Variants in KCNIP4 observed in about 807,000 individuals in gnomAD.
KCNIP4 encodes potassium voltage-gated channel interacting protein 4.
KCNIP4 carries 12 observed loss-of-function variants against 34.0 expected under a neutral mutation model. That is an observed-to-expected ratio of 0.35 (90% confidence interval 0.23 to 0.57). The LOEUF is 0.57. Among genes scored for constraint, KCNIP4 ranks in the 20% least tolerant of loss-of-function variants. KCNIP4 has a pLI of 0.83. For missense variants in KCNIP4, 238 were observed against 311.7 expected, an observed-to-expected ratio of 0.76 and a Z score of 1.78; for synonymous variants, 124 against 102.2, an observed-to-expected ratio of 1.21 and a Z score of -1.29.
chr4:20,916,174 A>T, intron 1 of KCNIP4: 1 of 234,756 alleles, frequency 4.3e-6, no homozygotes, highest in Non-Finnish European at 6.9e-6. Context: ...AGCTCTGTCC[A>T]CCTTCACTCA....
chr4:21,378,993 A>G (rs997968688), intron 1 of KCNIP4, among the ~76,000 whole-genome samples: 1 of 152,194 alleles, frequency 6.6e-6, no homozygotes, highest in African/African-American at 2.4e-5. Context: ...TCGTTAATTC[A>G]TTATGCATTA....
At chr4:21,613,824 AG>A (rs1421772388) in intron 1 of KCNIP4, 1 of 152,080 alleles carries the variant, frequency 6.6e-6, no homozygotes, top group East Asian at 1.9e-4. Context: ...CAATGGATCC[AG>A]GTAGGGCCCA....
At chr4:21,263,235 A>G (rs951584410) in intron 1 of KCNIP4, among the ~76,000 whole-genome samples, 2 of 152,218 alleles carry the variant, frequency 1.3e-5, no homozygotes, top group South Asian at 2.1e-4. Context: ...TAGAGACACA[A>G]TATTTTATTA....
chr4:20,965,402 T>A (rs1301545905), intron 1 of KCNIP4, among the ~76,000 whole-genome samples: 1 of 152,140 alleles, frequency 6.6e-6, no homozygotes, highest in Non-Finnish European at 1.5e-5. Context: ...CAAATGGGTT[T>A]TCTAAGAGGA....
At chr4:21,737,360 T>C (rs1169461430) in intron 1 of KCNIP4, among the ~76,000 whole-genome samples, 2 of 151,972 alleles carry the variant, frequency 1.3e-5, no homozygotes, top group Non-Finnish European at 2.9e-5. Flanking sequence ...ATACTCTTTC[T>C]GGGTTTTTTT....
At chr4:21,681,252 C>A (rs1461596920) in intron 1 of KCNIP4, among the ~76,000 whole-genome samples, 2 of 151,780 alleles carry the variant, frequency 1.3e-5, no homozygotes, top group Admixed American at 1.3e-4. Flanking sequence ...GTGCGTGCAC[C>A]ACCATGCCAG....
chr4:21,192,672 T>A (rs1755735725), intron 1 of KCNIP4, among the ~76,000 whole-genome samples: 1 of 152,128 alleles, frequency 6.6e-6, no homozygotes, highest in South Asian at 2.1e-4. Context: ...TATTACAGCA[T>A]CTAAGTGATT....
chr4:21,732,281 A>G (rs865923505), intron 1 of KCNIP4, among the ~76,000 whole-genome samples: 7 of 152,118 alleles, frequency 4.6e-5, no homozygotes, highest in South Asian at 2.1e-4. Context: ...ATGAAATGAT[A>G]TATAATTGAG....
At chr4:21,864,126 A>G (rs1256308711) in intron 1 of KCNIP4, among the ~76,000 whole-genome samples, 2 of 152,250 alleles carry the variant, frequency 1.3e-5, no homozygotes, top group African/African-American at 4.8e-5. Flanking sequence ...TTGTCATAAT[A>G]TAATAATCCA....
intron 1 of KCNIP4, among the ~76,000 whole-genome samples, chr4:21,948,180 G>C (rs768191907): frequency 1.3e-5 from 2 of 152,200 alleles, no homozygotes; most frequent in African/African-American, 2.4e-5. Context: ...TGGAAGGCGA[G>C]GATCAATACT....
At chr4:21,537,884 T>G (rs2108991794) in intron 1 of KCNIP4, among the ~76,000 whole-genome samples, 1 of 151,836 alleles carries the variant, frequency 6.6e-6, no homozygotes, top group East Asian at 1.9e-4. Flanking sequence ...TGGTGGCACA[T>G]GCCTGTAATC....
chr4:21,935,502 C>T (rs1729808981), intron 1 of KCNIP4, among the ~76,000 whole-genome samples: 1 of 152,008 alleles, frequency 6.6e-6, no homozygotes, highest in East Asian at 1.9e-4. Flanking sequence ...CCACTAAATG[C>T]TTCTTCTCAA....
intron 1 of KCNIP4, among the ~76,000 whole-genome samples, chr4:21,639,688 TATAG>T (rs1746476179): frequency 6.6e-6 from 1 of 152,294 alleles, no homozygotes; most frequent in East Asian, 1.9e-4. Context: ...TATATTCCAT[TATAG>T]ATAGATAGAA....
chr4:20,960,391 C>A (rs1369270092), intron 1 of KCNIP4, among the ~76,000 whole-genome samples: 1 of 152,180 alleles, frequency 6.6e-6, no homozygotes, highest in Non-Finnish European at 1.5e-5. Context: ...TTAGGCACAG[C>A]CAGGAAAGCA....
chr4:21,126,564 T>C (rs982929458), intron 1 of KCNIP4, among the ~76,000 whole-genome samples: 3 of 150,206 alleles, frequency 2.0e-5, no homozygotes, highest in Non-Finnish European at 3.0e-5. Flanking sequence ...AAAATTCAAC[T>C]TTTTGACAAT....
chr4:20,824,700 C>T (rs1296351253), intron 3 of KCNIP4, among the ~76,000 whole-genome samples: 1 of 152,058 alleles, frequency 6.6e-6, no homozygotes, highest in Non-Finnish European at 1.5e-5. Context: ...GATTCTTCGA[C>T]ATTTATGTTT....
At chr4:21,270,878 C>T (rs1400422229) in intron 1 of KCNIP4, among the ~76,000 whole-genome samples, 1 of 149,780 alleles carries the variant, frequency 6.7e-6, no homozygotes, top group East Asian at 2.0e-4. Context: ...TACAGCTATT[C>T]AGGGGGCTGA....
rs150600710 is a variant in KCNIP4, at chr4:20,805,456, C to A, written c.288+45087G>T. Among the ~76,000 whole-genome samples, 635 of 152,116 alleles carry A rather than the reference C, an allele frequency of 4.2e-3. 4 individuals carry two copies. The highest frequency in any genetic ancestry group is 0.014 in the African/African-American group (597 of 41,516). ...ATATTATACTTGTCATCTGTTATCT[C>A]TTCACCAGATATTTTTCTGTCTTTT... On this transcript the variant is annotated intron_variant, in intron 3 of 8. Transcript: ENST00000382152.
At chr4:20,804,412 C>T (rs553823278) in intron 3 of KCNIP4, among the ~76,000 whole-genome samples, 5 of 152,014 alleles carry the variant, frequency 3.3e-5, no homozygotes, top group Admixed American at 1.3e-4. Context: ...ACATTGTGAA[C>T]ATTTTAAGGT....
Sources: gnomAD v4.1 joint callset for allele counts (sites outside exome capture counted in the v4.1 genomes callset) on GRCh38, gnomAD v4.1.1 for gene constraint, MANE v1.5 for transcripts, NCBI Gene and HGNC (gene_info 2026-07-23, HGNC 2026-07-21) for gene names.